Variants in EPM2A observed in about 807,000 individuals in gnomAD.
EPM2A encodes the protein EPM2A glucan phosphatase, laforin.
EPM2A carries 21 observed loss-of-function variants against 26.5 expected under a neutral mutation model. The observed-to-expected ratio is 0.79, with a 90% confidence interval of 0.56 to 1.14. The LOEUF (loss-of-function observed/expected upper bound fraction) is 1.14. EPM2A is among the 50% of genes most tolerant of loss of function. The probability of loss-of-function intolerance (pLI) is 0.00; values close to 1 mark genes in which losing one functional copy is unlikely to be tolerated. For synonymous variants in EPM2A, 217 were observed against 177.6 expected, an observed-to-expected ratio of 1.22 and a Z score of -1.76; for missense variants, 458 against 440.8, an observed-to-expected ratio of 1.04 and a Z score of -0.35.
chr6:145,452,481 T>A (rs1387063999), intron 4 of EPM2A, among the ~76,000 whole-genome samples: 1 of 66,236 alleles, frequency 1.5e-5, no homozygotes, highest in Non-Finnish European at 2.5e-5. Flanking sequence ...CAGTCTCTAC[T>A]AAAAATACAA....
At chr6:145,460,532 G>A (rs1317136161) in intron 4 of EPM2A, among the ~76,000 whole-genome samples, 1 of 152,162 alleles carries the variant, frequency 6.6e-6, no homozygotes, top group African/African-American at 2.4e-5. Flanking sequence ...TTAGTGCACA[G>A]TATGTCCTCA....
At position 145,445,178 on chromosome 6, in the gene EPM2A, GT is replaced by G. The variant is rs540612471; in HGVS notation, c.555+57343del. On this transcript the variant is annotated intron_variant, in intron 4 of 4. Coordinates refer to the EPM2A transcript ENST00000638717. ...AGGTGAGAGCTTAGAACTTTCTCTA[GT>G]TTTTTTTTCTAAGTATGTACACAGC... Among the ~76,000 whole-genome samples the G allele has an allele frequency of 4.6e-5, 7 of 151,482 alleles. No homozygotes were observed. In the South Asian group the frequency reaches 1.3e-3, roughly 27 times the overall value.
intron 1 of EPM2A, among the ~76,000 whole-genome samples, chr6:145,718,110 A>G (rs1024520536): frequency 6.6e-6 from 1 of 152,004 alleles, no homozygotes; most frequent in Non-Finnish European, 1.5e-5. Context: ...CAGAATTGGA[A>G]AAAACTACTT....
intron 2 of EPM2A, among the ~76,000 whole-genome samples, chr6:145,548,458 G>A (rs1780613509): frequency 6.6e-6 from 1 of 152,090 alleles, no homozygotes; most frequent in South Asian, 2.1e-4. Context: ...TCCTACCTAT[G>A]GCAAACTCGG....
intron 2 of EPM2A, among the ~76,000 whole-genome samples, chr6:145,677,572 A>G (rs1417548890): frequency 2.0e-5 from 3 of 152,226 alleles, no homozygotes; most frequent in Admixed American, 2.0e-4. Flanking sequence ...CTGATACACA[A>G]CTTCAGCAAA....
chr6:145,557,366 A>C (rs1174354926), intron 2 of EPM2A, among the ~76,000 whole-genome samples: 12 of 152,110 alleles, frequency 7.9e-5, no homozygotes, highest in Admixed American at 7.9e-4. Context: ...TATCCATGTA[A>C]TAAAACTCTT....
chr6:145,522,243 C>T (rs557760212), intron 2 of EPM2A, among the ~76,000 whole-genome samples: 3 of 152,266 alleles, frequency 2.0e-5, no homozygotes, highest in South Asian at 2.1e-4. Context: ...TGAGCCACCG[C>T]GCCTGGCCAA....
At chr6:145,488,183 G>A (rs1476769420) in intron 4 of EPM2A, among the ~76,000 whole-genome samples, 8 of 152,008 alleles carry the variant, frequency 5.3e-5, no homozygotes, top group East Asian at 1.9e-4. Context: ...CTAGGTGATC[G>A]TTCTTGTACC....
intron 4 of EPM2A, among the ~76,000 whole-genome samples, chr6:145,407,780 A>T (rs1778589292): frequency 6.6e-6 from 1 of 152,176 alleles, no homozygotes; most frequent in Non-Finnish European, 1.5e-5. Flanking sequence ...TACTAAAATT[A>T]TTCTTAAAAA....
intron 2 of EPM2A, among the ~76,000 whole-genome samples, chr6:145,528,843 C>A (rs1390877386): frequency 6.6e-6 from 1 of 152,122 alleles, no homozygotes; most frequent in East Asian, 1.9e-4. Context: ...AAATTGAAAA[C>A]CTTCTAGAAA....
At chr6:145,696,927 C>T (rs192828787) in intron 1 of EPM2A, among the ~76,000 whole-genome samples, 3 of 151,854 alleles carry the variant, frequency 2.0e-5, no homozygotes, top group East Asian at 1.9e-4. Flanking sequence ...CCTTTCTGTA[C>T]ATCTGTATAT....
intron 2 of EPM2A, among the ~76,000 whole-genome samples, chr6:145,566,231 G>T (rs532995803): frequency 6.6e-6 from 1 of 152,272 alleles, no homozygotes; most frequent in African/African-American, 2.4e-5. Context: ...TCACATATTT[G>T]CTAATTTTCA....
intron 4 of EPM2A, among the ~76,000 whole-genome samples, chr6:145,447,745 C>T (rs1028497902): frequency 1.3e-5 from 2 of 152,020 alleles, no homozygotes; most frequent in Admixed American, 6.6e-5. Flanking sequence ...GCACCTAAAA[C>T]TCCAAGAACA....
At chr6:145,512,737 AAGAT>A (rs1256890531) in intron 2 of EPM2A, among the ~76,000 whole-genome samples, 1 of 146,088 alleles carries the variant, frequency 6.8e-6, no homozygotes, top group Non-Finnish European at 1.5e-5. Context: ...AAAAAAAAAA[AAGAT>A]AGACCCCAGA....
intron 4 of EPM2A, among the ~76,000 whole-genome samples, chr6:145,440,465 CA>C (rs1779047629): frequency 6.6e-6 from 1 of 152,152 alleles, no homozygotes. Flanking sequence ...TCTCACATTT[CA>C]AAACCAGTCA....
chr6:145,538,064 T>C (rs1177927272), intron 2 of EPM2A, among the ~76,000 whole-genome samples: 2 of 152,174 alleles, frequency 1.3e-5, no homozygotes, highest in African/African-American at 4.8e-5. Context: ...AATAAATATA[T>C]GTCTGCATGT....
chr6:145,622,970 C>T (rs1397711177), downstream of EPM2A, among the ~76,000 whole-genome samples: 1 of 152,206 alleles, frequency 6.6e-6, no homozygotes, highest in African/African-American at 2.4e-5. Flanking sequence ...TTCTCTCTAT[C>T]CTTTAGTTTC....
intron 1 of EPM2A, among the ~76,000 whole-genome samples, chr6:145,696,889 T>G (rs1327966876): frequency 6.6e-6 from 1 of 151,698 alleles, no homozygotes; most frequent in African/African-American, 2.4e-5. Flanking sequence ...CAAATAATAT[T>G]GTGAAATTTT....
At chr6:145,500,217 C>T (rs1193029299), downstream of EPM2A, among the ~76,000 whole-genome samples, 3 of 152,074 alleles carry the variant, frequency 2.0e-5, no homozygotes, top group Non-Finnish European at 2.9e-5. Flanking sequence ...GAGAGAGAGT[C>T]GTCAAAACAT....
Sources: allele counts gnomAD v4.1 joint callset (sites outside exome capture counted in the v4.1 genomes callset), GRCh38; gene constraint gnomAD v4.1.1; transcripts MANE v1.5; gene names NCBI Gene and HGNC (gene_info 2026-07-23, HGNC 2026-07-21).